GALNT1: variants seen among roughly 807,000 people sequenced by gnomAD.
GALNT1 encodes the protein GalNAc transferase 1.
In GALNT1, 17 loss-of-function variants were observed where a neutral mutation model predicts 65.7. That is an observed-to-expected ratio of 0.26 (90% CI 0.18 to 0.39). GALNT1 has a LOEUF of 0.39. Among genes scored for constraint, GALNT1 ranks in the 10% least tolerant of loss-of-function variants. The probability of loss-of-function intolerance (pLI) is 1.00; values close to 1 mark genes in which losing one functional copy is unlikely to be tolerated. For synonymous variants in GALNT1, 210 were observed against 219.7 expected, an observed-to-expected ratio of 0.96 and a Z score of 0.39; for missense variants, 460 against 672.8, an observed-to-expected ratio of 0.68 and a Z score of 3.50.
chr18:35,586,546 C>T (rs997108746), intron 1 of GALNT1, among the ~76,000 whole-genome samples: 3 of 144,752 alleles, frequency 2.1e-5, no homozygotes, highest in African/African-American at 8.0e-5. Flanking sequence ...GCTTTTTTTC[C>T]CTAATAGTTT....
chr18:35,626,199 A>T (rs1376732407), intron 1 of GALNT1, among the ~76,000 whole-genome samples: 9 of 152,344 alleles, frequency 5.9e-5, no homozygotes, highest in Admixed American at 5.9e-4. Flanking sequence ...GTGAAATGAC[A>T]TGCAAACTCA....
intron 1 of GALNT1, among the ~76,000 whole-genome samples, chr18:35,590,817 A>G (rs547570071): frequency 2.0e-5 from 3 of 152,212 alleles, no homozygotes; most frequent in Non-Finnish European, 2.9e-5. Flanking sequence ...CAGCACTGTC[A>G]TAGTGGAGAG....
chr18:35,658,523 G>A (rs921377413), intron 2 of GALNT1, among the ~76,000 whole-genome samples: 2 of 152,128 alleles, frequency 1.3e-5, no homozygotes, highest in African/African-American at 4.8e-5. Flanking sequence ...AGTGCAGTAG[G>A]TGCTGAGAGG....
At chr18:35,694,572 C>T (rs2048023398) in intron 9 of GALNT1, among the ~76,000 whole-genome samples, 4 of 152,234 alleles carry the variant, frequency 2.6e-5, no homozygotes, top group Admixed American at 2.6e-4. Flanking sequence ...AGCAATTCCA[C>T]CTCAGGGTAT....
chr18:35,653,942 T>G (rs1019167261), intron 1 of GALNT1, among the ~76,000 whole-genome samples: 11 of 152,206 alleles, frequency 7.2e-5, no homozygotes. Context: ...TGGTGACTGT[T>G]GCAGTTTTAG....
At chr18:35,623,222 G>T (rs1318628408) in intron 1 of GALNT1, among the ~76,000 whole-genome samples, 1 of 152,004 alleles carries the variant, frequency 6.6e-6, no homozygotes, top group East Asian at 1.9e-4. Context: ...ACTTCCTTTA[G>T]CATTTCTTAA....
intron 1 of GALNT1, among the ~76,000 whole-genome samples, chr18:35,605,907 G>T (rs963205848): frequency 6.6e-6 from 1 of 152,160 alleles, no homozygotes; most frequent in African/African-American, 2.4e-5. Context: ...TCATAAGAAG[G>T]TATAGCACTG....
At chr18:35,672,038 C>T (rs2047644586) in intron 3 of GALNT1, among the ~76,000 whole-genome samples, 3 of 152,164 alleles carry the variant, frequency 2.0e-5, no homozygotes, top group African/African-American at 7.2e-5. Context: ...TCATTAATAT[C>T]TTGATAGTGG....
intron 1 of GALNT1, among the ~76,000 whole-genome samples, chr18:35,607,896 T>C (rs777432031): frequency 7.2e-5 from 11 of 152,064 alleles, no homozygotes; most frequent in Admixed American, 2.0e-4. Context: ...TAGCAAAAAT[T>C]GGGGGTTCTG....
At chr18:35,640,168 T>C (rs778254863) in intron 1 of GALNT1, among the ~76,000 whole-genome samples, 4 of 152,258 alleles carry the variant, frequency 2.6e-5, no homozygotes, top group Non-Finnish European at 5.9e-5. Flanking sequence ...TCATAGCTAC[T>C]ACATTCTTTT....
At chr18:35,625,208 A>G (rs1013237158) in intron 1 of GALNT1, among the ~76,000 whole-genome samples, 6 of 152,190 alleles carry the variant, frequency 3.9e-5, no homozygotes, top group African/African-American at 1.4e-4. Flanking sequence ...CCCGGGGAAA[A>G]GATACATATA....
intron 1 of GALNT1, among the ~76,000 whole-genome samples, chr18:35,604,024 C>T (rs1227061986): frequency 1.3e-5 from 2 of 152,000 alleles, no homozygotes; most frequent in African/African-American, 4.8e-5. Context: ...CTTTCATCAC[C>T]CATGTAGTGA....
intron 9 of GALNT1, among the ~76,000 whole-genome samples, chr18:35,696,957 A>G (rs2048068632): frequency 1.3e-5 from 2 of 152,256 alleles, no homozygotes; most frequent in Admixed American, 1.3e-4. Flanking sequence ...GGAGGAGACT[A>G]ATAGTAGAAA....
At chr18:35,608,048 A>C (rs1010592888) in intron 1 of GALNT1, among the ~76,000 whole-genome samples, 10 of 152,114 alleles carry the variant, frequency 6.6e-5, no homozygotes. Context: ...CCTTGAATCT[A>C]TACAGCAGTT....
chr18:35,694,432 T>C (rs2048020787), intron 9 of GALNT1, among the ~76,000 whole-genome samples: 1 of 152,176 alleles, frequency 6.6e-6, no homozygotes, highest in African/African-American at 2.4e-5. Context: ...TGACACATGT[T>C]GGCAAGGATA....
chr18:35,707,442 C>T (rs2048281581), intron 11 of GALNT1, among the ~76,000 whole-genome samples: 1 of 152,146 alleles, frequency 6.6e-6, no homozygotes, highest in African/African-American at 2.4e-5. Flanking sequence ...GCATCCTACC[C>T]ACAAGGTTCC....
intron 9 of GALNT1, among the ~76,000 whole-genome samples, chr18:35,702,455 C>T (rs1260315134): frequency 6.6e-6 from 1 of 152,184 alleles, no homozygotes; most frequent in East Asian, 1.9e-4. Flanking sequence ...GTTTGTACCA[C>T]ACTATGCTTA....
At chr18:35,619,558 A>G (rs1354693538) in intron 1 of GALNT1, among the ~76,000 whole-genome samples, 1 of 152,176 alleles carries the variant, frequency 6.6e-6, no homozygotes, top group East Asian at 1.9e-4. Flanking sequence ...AAAGGGAGTG[A>G]CAACAGAGAT....
chr18:35,610,708 A>T (rs2046706135), intron 1 of GALNT1, among the ~76,000 whole-genome samples: 1 of 152,216 alleles, frequency 6.6e-6, no homozygotes, highest in Non-Finnish European at 1.5e-5. Flanking sequence ...CAAATTAAAG[A>T]TAACCTAGAC....
Sources: allele counts gnomAD v4.1 joint callset (sites outside exome capture counted in the v4.1 genomes callset), GRCh38; gene constraint gnomAD v4.1.1; transcripts MANE v1.5; gene names NCBI Gene and HGNC (gene_info 2026-07-23, HGNC 2026-07-21).